SLC16A10: variants seen among roughly 807,000 people sequenced by gnomAD.
SLC16A10 encodes the protein monocarboxylate transporter 10.
A neutral mutation model predicts 40.0 loss-of-function variants in SLC16A10; 27 were observed. That is an observed-to-expected ratio of 0.67 (90% CI 0.50 to 0.93). The LOEUF is 0.93. Ranked by LOEUF, SLC16A10 falls within the 40% of genes least tolerant of loss-of-function variation. The pLI is 0.00. For synonymous variants in SLC16A10, 213 were observed against 249.8 expected (o/e 0.85, Z 1.39); for missense variants, 529 against 658.2 (o/e 0.80, Z 2.15).
intron 5 of SLC16A10, among the ~76,000 whole-genome samples, chr6:111,220,688 A>G (rs1027934699): frequency 1.3e-5 from 2 of 152,246 alleles, no homozygotes; most frequent in Admixed American, 1.3e-4. Context: ...TCTTCTTTCT[A>G]TAGCCTACAA....
At chr6:111,202,776 A>G (rs1365085641) in intron 3 of SLC16A10, among the ~76,000 whole-genome samples, 1 of 151,154 alleles carries the variant, frequency 6.6e-6, no homozygotes, top group Non-Finnish European at 1.5e-5. Context: ...AATCCCAGCT[A>G]CTCAGGAGGC....
At chr6:111,154,479 A>G (rs912533040) in intron 1 of SLC16A10, among the ~76,000 whole-genome samples, 3 of 152,230 alleles carry the variant, frequency 2.0e-5, no homozygotes, top group African/African-American at 7.2e-5. Context: ...CTTCTGGCAA[A>G]CAACATGAAA....
intron 1 of SLC16A10, among the ~76,000 whole-genome samples, chr6:111,166,445 C>G (rs79301240): frequency 6.7e-6 from 1 of 149,008 alleles, no homozygotes; most frequent in Non-Finnish European, 1.5e-5. Flanking sequence ...TCCAATGCCA[C>G]AAACAGAAGT....
intron 1 of SLC16A10, among the ~76,000 whole-genome samples, chr6:111,095,074 T>C (rs1771049575): frequency 6.6e-6 from 1 of 152,234 alleles, no homozygotes; most frequent in Admixed American, 6.5e-5. Flanking sequence ...TGACACTCAT[T>C]ACTTTTAGGA....
chr6:111,158,057 G>A (rs931411559), intron 1 of SLC16A10, among the ~76,000 whole-genome samples: 13 of 151,992 alleles, frequency 8.6e-5, no homozygotes, highest in Non-Finnish European at 1.3e-4. Flanking sequence ...CTATTCTATC[G>A]TATTTTTATT....
chr6:111,174,422 AT>A (rs928002664), intron 2 of SLC16A10, among the ~76,000 whole-genome samples: 8 of 149,750 alleles, frequency 5.3e-5, no homozygotes, highest in African/African-American at 2.0e-4. Context: ...ATTCTTTCAT[AT>A]TTTCTTCCAT....
At chr6:111,110,939 A>G (rs1182169228) in intron 1 of SLC16A10, among the ~76,000 whole-genome samples, 1 of 151,396 alleles carries the variant, frequency 6.6e-6, no homozygotes, top group African/African-American at 2.4e-5. Flanking sequence ...TTTTTTTTTT[A>G]CATTTTTTAT....
chr6:111,174,105 G>T (rs1772635260), intron 2 of SLC16A10, among the ~76,000 whole-genome samples: 1 of 152,110 alleles, frequency 6.6e-6, no homozygotes, highest in Non-Finnish European at 1.5e-5. Flanking sequence ...TCCTCAGTTA[G>T]ACAAACACTG....
At chr6:111,212,637 T>A (rs757095004) in intron 4 of SLC16A10, among the ~76,000 whole-genome samples, 10 of 151,790 alleles carry the variant, frequency 6.6e-5, no homozygotes, top group Non-Finnish European at 1.5e-4. Context: ...TACAAAAAAT[T>A]AAAAAGTTAG....
chr6:111,099,348 C>T (rs1771131151), intron 1 of SLC16A10, among the ~76,000 whole-genome samples: 1 of 152,180 alleles, frequency 6.6e-6, no homozygotes, highest in Admixed American at 6.5e-5. Context: ...CTGGGTCCTG[C>T]TCTGCTGCCC....
chr6:111,169,014 G>T (rs1772533638), intron 1 of SLC16A10, among the ~76,000 whole-genome samples: 1 of 152,148 alleles, frequency 6.6e-6, no homozygotes, highest in Non-Finnish European at 1.5e-5. Context: ...CGACTTAAGA[G>T]ATTTAAAGGA....
At chr6:111,177,790 T>A in intron 3 of SLC16A10, 125 bp downstream of exon 3, 5 of 837,558 alleles carry the variant, frequency 6.0e-6, no homozygotes, top group Non-Finnish European at 8.8e-6. Context: ...TTGGTATTCT[T>A]GAAATGAAAG....
intron 4 of SLC16A10, among the ~76,000 whole-genome samples, chr6:111,217,507 T>A (rs1770781948): frequency 6.6e-6 from 1 of 152,190 alleles, no homozygotes; most frequent in African/African-American, 2.4e-5. Context: ...TGGAGTGCAG[T>A]GGCATGATCT....
At chr6:111,182,737 C>T (rs1378482143) in intron 3 of SLC16A10, among the ~76,000 whole-genome samples, 1 of 152,162 alleles carries the variant, frequency 6.6e-6, no homozygotes, top group Non-Finnish European at 1.5e-5. Context: ...CTGCCCCCAG[C>T]CATCCTCATC....
At chr6:111,127,473 C>G (rs1009571951) in intron 1 of SLC16A10, among the ~76,000 whole-genome samples, 3 of 152,128 alleles carry the variant, frequency 2.0e-5, no homozygotes, top group Non-Finnish European at 4.4e-5. Context: ...GGGTAAAGAG[C>G]TTGGATTTCT....
chr6:111,206,155 C>T (rs1461510422), intron 3 of SLC16A10, among the ~76,000 whole-genome samples: 1 of 151,658 alleles, frequency 6.6e-6, no homozygotes, highest in Non-Finnish European at 1.5e-5. Flanking sequence ...CAGCTCACTG[C>T]AACCTCTGCC....
At chr6:111,109,741 C>T (rs1007826935) in intron 1 of SLC16A10, among the ~76,000 whole-genome samples, 6 of 152,232 alleles carry the variant, frequency 3.9e-5, no homozygotes, top group African/African-American at 1.4e-4. Flanking sequence ...TGTGAGCCAT[C>T]ACACCTGGCC....
In SLC16A10 at chr6:111,215,068, G is replaced by C. The variant is rs182266009; in HGVS notation, c.1087-3746G>C. Reference sequence around the variant, plus strand: ...TGGGAGGCAGATCTTGCAGTGAGTCGAGATCGCGCCACTGCACTCCAGCCT... The same window carrying C: ...TGGGAGGCAGATCTTGCAGTGAGTCCAGATCGCGCCACTGCACTCCAGCCT... On this transcript the variant is annotated intron_variant, in intron 4 of 5. Transcript: ENST00000368851. Among the ~76,000 whole-genome samples the C allele has an allele frequency of 8.5e-3, 1,296 of 151,932 alleles. 5 individuals are homozygous for C. Among genetic ancestry groups the C allele is most frequent in the Non-Finnish European group, 0.014 (947 of 67,970 alleles).
At chr6:111,117,338 C>T (rs1052688243) in intron 1 of SLC16A10, among the ~76,000 whole-genome samples, 8 of 109,158 alleles carry the variant, frequency 7.3e-5, no homozygotes, top group African/African-American at 3.1e-4. Flanking sequence ...GGCGACAGAG[C>T]GAGACTCCGT....
Sources: allele counts gnomAD v4.1 joint callset (sites outside exome capture counted in the v4.1 genomes callset), GRCh38; gene constraint gnomAD v4.1.1; transcripts MANE v1.5; gene names NCBI Gene and HGNC (gene_info 2026-07-23, HGNC 2026-07-21).